Variants in CNTNAP2 observed in about 807,000 individuals in gnomAD.
The protein encoded by CNTNAP2 is contactin associated protein 2, also known as contactin-associated protein-like 2.
In CNTNAP2, 98 loss-of-function variants were observed where a neutral mutation model predicts 155.2. The ratio of observed to expected loss-of-function variants is 0.63; its 90% CI spans 0.54 to 0.75. The LOEUF (loss-of-function observed/expected upper bound fraction) is 0.75, where lower values mean the gene tolerates loss of function less well. Among genes scored for constraint, CNTNAP2 ranks in the 30% least tolerant of loss-of-function variants. The pLI is 0.00. For synonymous variants in CNTNAP2, 651 were observed against 631.2 expected (o/e 1.03, Z -0.47); for missense variants, 1,727 against 1,688.1 (o/e 1.02, Z -0.40).
chr7:147,113,456 G>A (rs1255306081), intron 5 of CNTNAP2, among the ~76,000 whole-genome samples: 3 of 151,022 alleles, frequency 2.0e-5, no homozygotes, highest in Non-Finnish European at 2.9e-5. Context: ...AAAAAAAAAA[G>A]AGGTTTACTT....
intron 1 of CNTNAP2, among the ~76,000 whole-genome samples, chr7:146,423,044 T>C (rs1030332924): frequency 1.3e-5 from 2 of 152,134 alleles, no homozygotes; most frequent in African/African-American, 4.8e-5. Flanking sequence ...ATGTACCTAA[T>C]GCTAGTTATT....
chr7:147,686,923 G>T (rs1796024707), intron 13 of CNTNAP2, among the ~76,000 whole-genome samples: 1 of 151,802 alleles, frequency 6.6e-6, no homozygotes, highest in South Asian at 2.1e-4. Context: ...CAATTAGCTA[G>T]AACTGTAAAT....
At chr7:146,975,270 C>A (rs965039078) in intron 3 of CNTNAP2, among the ~76,000 whole-genome samples, 1 of 151,718 alleles carries the variant, frequency 6.6e-6, no homozygotes, top group East Asian at 1.9e-4. Flanking sequence ...TTCGAGACCA[C>A]CCTGGCCAAC....
At chr7:146,232,430 T>C (rs1248903205) in intron 1 of CNTNAP2, among the ~76,000 whole-genome samples, 1 of 152,104 alleles carries the variant, frequency 6.6e-6, no homozygotes, top group Non-Finnish European at 1.5e-5. Flanking sequence ...GAATTTGAAA[T>C]TGAGAAATGT....
At chr7:148,016,850 T>C (rs12674206) in intron 15 of CNTNAP2, among the ~76,000 whole-genome samples, 52,983 of 152,042 alleles carry the variant, frequency 0.35, 10,005 homozygotes, top group East Asian at 0.74. Flanking sequence ...ATTTCTGGAA[T>C]AGCATTCCTT....
intron 19 of CNTNAP2, among the ~76,000 whole-genome samples, chr7:148,227,884 CGTGTGTGTGTGTGTGTGTGTGTGT>C (rs3057282): frequency 6.1e-5 from 8 of 131,402 alleles, no homozygotes; most frequent in Non-Finnish European, 1.1e-4. Flanking sequence ...AAGAGCACAG[CGTGTGTGTGTGTGTGTGTGTGTGT>C]GTGTGTGTGT....
At chr7:147,463,943 A>AT (rs1798067675) in intron 10 of CNTNAP2, among the ~76,000 whole-genome samples, 1 of 109,816 alleles carries the variant, frequency 9.1e-6, no homozygotes, top group South Asian at 2.9e-4. Context: ...CAGTATACCT[A>AT]TTTGGCCCCA....
At chr7:147,877,136 G>C (rs958797520) in intron 13 of CNTNAP2, among the ~76,000 whole-genome samples, 7 of 150,844 alleles carry the variant, frequency 4.6e-5, no homozygotes, top group African/African-American at 1.5e-4. Context: ...CACAACGAAG[G>C]CTTTTTTGTG....
chr7:148,018,108 C>T (rs375167659), intron 15 of CNTNAP2, among the ~76,000 whole-genome samples: 23 of 152,178 alleles, frequency 1.5e-4, no homozygotes, highest in African/African-American at 5.5e-4. Flanking sequence ...TCCCTAGAAA[C>T]TGTTTTTCAT....
chr7:147,314,384 A>T (rs1420299107), intron 9 of CNTNAP2, among the ~76,000 whole-genome samples: 1 of 152,166 alleles, frequency 6.6e-6, no homozygotes. Context: ...CCTCTCTGAC[A>T]TCTAGATCTT....
intron 1 of CNTNAP2, among the ~76,000 whole-genome samples, chr7:146,667,734 A>G (rs774429223): frequency 6.7e-6 from 1 of 148,488 alleles, no homozygotes; most frequent in Admixed American, 6.7e-5. Context: ...TTTTTTGTAC[A>G]CTATTATAAA....
chr7:148,140,577 C>T (rs938772888), intron 16 of CNTNAP2, among the ~76,000 whole-genome samples: 2 of 152,144 alleles, frequency 1.3e-5, no homozygotes, highest in African/African-American at 2.4e-5. Flanking sequence ...CATCTGCCAC[C>T]ACGCCCAGCT....
intron 13 of CNTNAP2, among the ~76,000 whole-genome samples, chr7:147,707,802 G>A (rs144982434): frequency 6.6e-6 from 1 of 152,330 alleles, no homozygotes; most frequent in African/African-American, 2.4e-5. Context: ...GGGAAGGCCA[G>A]TCTCCAGTCC....
intron 8 of CNTNAP2, among the ~76,000 whole-genome samples, chr7:147,136,136 A>G: frequency 6.6e-6 from 1 of 151,876 alleles, no homozygotes; most frequent in East Asian, 1.9e-4. Context: ...GTCTGCCAAT[A>G]TTAACAAGGT....
intron 1 of CNTNAP2, among the ~76,000 whole-genome samples, chr7:146,250,492 A>G (rs956424888): frequency 2.0e-5 from 3 of 152,170 alleles, no homozygotes; most frequent in Non-Finnish European, 4.4e-5. Flanking sequence ...CTATCTTGGT[A>G]TGGTGGTGCC....
chr7:147,335,264 T>G (rs1432507472), intron 9 of CNTNAP2, among the ~76,000 whole-genome samples: 2 of 152,192 alleles, frequency 1.3e-5, no homozygotes, highest in South Asian at 2.1e-4. Flanking sequence ...ACCTAGAAAT[T>G]TATTATTTTA....
intron 1 of CNTNAP2, among the ~76,000 whole-genome samples, chr7:146,421,779 C>T (rs995691588): frequency 4.6e-5 from 7 of 151,846 alleles, no homozygotes; most frequent in African/African-American, 1.4e-4. Context: ...TCTTTCTACT[C>T]CAGGGACTTA....
chr7:147,739,530 A>T (rs1048965358), intron 13 of CNTNAP2, among the ~76,000 whole-genome samples: 3 of 152,020 alleles, frequency 2.0e-5, no homozygotes, highest in African/African-American at 7.2e-5. Context: ...TAAAATAGGA[A>T]TTTTCAGGGT....
intron 3 of CNTNAP2, among the ~76,000 whole-genome samples, chr7:147,017,182 T>TC (rs1205399283): frequency 6.6e-6 from 1 of 152,054 alleles, no homozygotes; most frequent in East Asian, 1.9e-4. Context: ...TTATTTTTTT[T>TC]CTCACGTCTT....
Sources: gnomAD v4.1 joint callset for allele counts (sites outside exome capture counted in the v4.1 genomes callset) on GRCh38, gnomAD v4.1.1 for gene constraint, MANE v1.5 for transcripts, NCBI Gene and HGNC (gene_info 2026-07-23, HGNC 2026-07-21) for gene names.